Variants in ZNF138 observed in about 807,000 individuals in gnomAD.
ZNF138 encodes zinc finger protein 138.
ZNF138 carries 33 observed loss-of-function variants against 33.0 expected under a neutral mutation model. The observed-to-expected ratio is 1.00, with a 90% CI of 0.76 to 1.34. ZNF138 has a LOEUF of 1.34. Among genes scored for constraint, ZNF138 ranks in the 40% most tolerant of loss-of-function variants. ZNF138 has a pLI of 0.00. For synonymous variants in ZNF138, 139 were observed against 120.4 expected, an observed-to-expected ratio of 1.15 and a Z score of -1.01; for missense variants, 360 against 370.8, an observed-to-expected ratio of 0.97 and a Z score of 0.24.
chr7:64,852,339 G>C, the ZNF138 span: 2 of 1,138,222 alleles, frequency 1.8e-6, no homozygotes, highest in East Asian at 4.7e-5. Flanking sequence ...TTGAAGCGAT[G>C]ATAAAGGAAA....
At chr7:64,798,631 T>C (rs911706105) in intron 1 of ZNF138, among the ~76,000 whole-genome samples, 1 of 151,816 alleles carries the variant, frequency 6.6e-6, no homozygotes, top group African/African-American at 2.4e-5. Flanking sequence ...ACAAAAAAAA[T>C]AGTCGGACAT....
At chr7:64,806,336 A>T (rs1249627397) in intron 1 of ZNF138, among the ~76,000 whole-genome samples, 1 of 152,194 alleles carries the variant, frequency 6.6e-6, no homozygotes, top group African/African-American at 2.4e-5. Flanking sequence ...ACAGCAATCA[A>T]CCATTTTACC....
chr7:64,817,611 G>C (rs1048625898), intron 3 of ZNF138, among the ~76,000 whole-genome samples: 1 of 152,154 alleles, frequency 6.6e-6, no homozygotes, highest in Non-Finnish European at 1.5e-5. Context: ...CCATGTAGCT[G>C]TCATTACAGG....
intron 1 of ZNF138, among the ~76,000 whole-genome samples, chr7:64,811,160 A>C: frequency 6.6e-6 from 1 of 152,314 alleles, no homozygotes. Flanking sequence ...GAAACAAAAG[A>C]AATAAAAATG....
At chr7:64,825,707 T>C (rs539464662) in intron 3 of ZNF138, among the ~76,000 whole-genome samples, 88 of 151,952 alleles carry the variant, frequency 5.8e-4, no homozygotes, top group Non-Finnish European at 7.6e-4. Flanking sequence ...GCCTAGCTAA[T>C]TTTTGTATTT....
chr7:64,850,850 T>A, the ZNF138 span, among the ~76,000 whole-genome samples: 1 of 152,220 alleles, frequency 6.6e-6, no homozygotes. Context: ...TGATTAATGT[T>A]AAACCTAAAA....
At position 64,814,965 on chromosome 7, in the gene ZNF138, G is replaced by A. The variant is rs531618827; in HGVS notation, c.51G>A (p.Glu17=). ...MDVAIEFSLE[E]WQCLDTAQRN... ...TGGCCATAGAGTTCTCTTTGGAGGA[G>A]TGGCAGTGCCTGGACACTGCACAGC... Residue 17 remains glutamate (E), a synonymous_variant, in exon 2 of 4, where the codon GAG becomes GAA. Coordinates refer to ENST00000307355, the MANE Select transcript of ZNF138 (RefSeq NM_001271639.2). 5 of 1,613,560 alleles carry A rather than the reference G, an allele frequency of 3.1e-6. No homozygotes were observed. In the South Asian group the frequency reaches 4.4e-5, roughly 14 times the overall value.
the ZNF138 span, among the ~76,000 whole-genome samples, chr7:64,846,695 T>C: frequency 6.6e-6 from 1 of 152,162 alleles, no homozygotes; most frequent in African/African-American, 2.4e-5. Context: ...TACAATTATA[T>C]CATCAGGAAA....
chr7:64,848,592 C>G, the ZNF138 span, among the ~76,000 whole-genome samples: 2 of 151,294 alleles, frequency 1.3e-5, no homozygotes, highest in Non-Finnish European at 1.5e-5. Context: ...CTTCACCTTT[C>G]TCTAGTGCCT....
At chr7:64,849,622 C>T in the ZNF138 span, among the ~76,000 whole-genome samples, 1 of 151,714 alleles carries the variant, frequency 6.6e-6, no homozygotes, top group African/African-American at 2.4e-5. Flanking sequence ...GCTGCAGCTG[C>T]AGTGGGAAGT....
At position 64,825,866 on chromosome 7, in the gene ZNF138, C is replaced by G. The variant is rs117322461; in HGVS notation, c.209-5585C>G. ...TTCATTTAGTTTTAAGATACTGTTACACTTCGTCAATCAGGCTGGTTTGCA... is the reference window on the plus strand; with the variant it reads ...TTCATTTAGTTTTAAGATACTGTTAGACTTCGTCAATCAGGCTGGTTTGCA... On this transcript the variant is annotated intron_variant, in intron 3 of 3. Coordinates refer to ENST00000307355, the MANE Select transcript of ZNF138 (RefSeq NM_001271639.2). Among the ~76,000 whole-genome samples, 156 of 152,132 alleles carry G rather than the reference C, an allele frequency of 1.0e-3. 4 individuals carry two copies. In the East Asian group the frequency reaches 0.028, roughly 27 times the overall value.
At chr7:64,818,002 T>C (rs529833186) in intron 3 of ZNF138, among the ~76,000 whole-genome samples, 3,995 of 149,258 alleles carry the variant, frequency 0.027, 101 homozygotes, top group Non-Finnish European at 0.039. Context: ...TATTATTTTT[T>C]TTTTTTTTTG....
the ZNF138 span, among the ~76,000 whole-genome samples, chr7:64,858,355 G>C: frequency 6.6e-6 from 1 of 152,186 alleles, no homozygotes; most frequent in East Asian, 1.9e-4. Context: ...ACAGAAGAAA[G>C]AGGAGGATGC....
chr7:64,831,063 C>T (rs1790042407), intron 3 of ZNF138: 2 of 1,550,980 alleles, frequency 1.3e-6, no homozygotes, highest in African/African-American at 1.4e-5. Flanking sequence ...CACCTAGAAG[C>T]CAGAAATAAA....
chr7:64,826,594 T>G (rs928626283), intron 3 of ZNF138, among the ~76,000 whole-genome samples: 1 of 151,972 alleles, frequency 6.6e-6, no homozygotes, highest in Non-Finnish European at 1.5e-5. Flanking sequence ...ATTTTTTAAA[T>G]GTGTGTATTT....
intron 1 of ZNF138, among the ~76,000 whole-genome samples, chr7:64,810,626 A>C (rs1286381383): frequency 3.3e-5 from 5 of 151,974 alleles, no homozygotes; most frequent in African/African-American, 1.2e-4. Flanking sequence ...GAAGTTCACA[A>C]ACTGTGGGAT....
chr7:64,854,312 C>T, the ZNF138 span, among the ~76,000 whole-genome samples: 1,407 of 152,286 alleles, frequency 9.2e-3, 16 homozygotes, highest in African/African-American at 0.032. Context: ...GTGATCTCAG[C>T]TCACTGCAAC....
rs1790086787 is a variant in ZNF138 at position 64,831,600 on chromosome 7, C to T, written c.358C>T (p.His120Tyr). Reference protein sequence around the residue: ...GCKSVDECKGHQGGFNGLNQC... With the variant: ...GCKSVDECKGYQGGFNGLNQC... ...TAAAAGTGTGGATGAGTGTAAGGGA[C>T]ACCAAGGAGGTTTTAATGGACTTAA... is the stretch of plus-strand genomic sequence containing the variant. Residue 120 changes from histidine (H) to tyrosine (Y), a missense_variant, in exon 4 of 4, where the codon CAC (histidine) becomes TAC (tyrosine). Physicochemically the swap from His to Tyr is moderately conservative, Grantham distance 83. Transcript: ENST00000307355. The T allele has an allele frequency of 6.2e-7, 1 of 1,612,612 alleles. No homozygotes were observed.
At chr7:64,817,509 T>C (rs1242391506) in intron 3 of ZNF138, among the ~76,000 whole-genome samples, 2 of 152,190 alleles carry the variant, frequency 1.3e-5, no homozygotes, top group Non-Finnish European at 2.9e-5. Flanking sequence ...CAGAGCTCTC[T>C]TAAAAACACT....
Sources: allele counts gnomAD v4.1 joint callset (sites outside exome capture counted in the v4.1 genomes callset), GRCh38; gene constraint gnomAD v4.1.1; transcripts MANE v1.5; gene names NCBI Gene and HGNC (gene_info 2026-07-23, HGNC 2026-07-21).